GPC5: variants seen among roughly 807,000 people sequenced by gnomAD.
GPC5 encodes the protein glypican 5.
A neutral mutation model predicts 53.9 loss-of-function variants in GPC5; 47 were observed. The observed-to-expected ratio is 0.87, with a 90% CI of 0.69 to 1.11. The LOEUF (loss-of-function observed/expected upper bound fraction) is 1.11, where lower values mean the gene tolerates loss of function less well. GPC5 is among the 50% of genes most tolerant of loss of function. The pLI, the probability that GPC5 is intolerant of heterozygous loss-of-function variation, is 0.00. For missense variants in GPC5, 748 were observed against 713.1 expected (o/e 1.05, Z -0.56); for synonymous variants, 286 against 263.3 (o/e 1.09, Z -0.84).
chr13:91,846,250 AT>A (rs956571920), intron 5 of GPC5, among the ~76,000 whole-genome samples: 5 of 152,002 alleles, frequency 3.3e-5, no homozygotes, highest in Non-Finnish European at 7.4e-5. Context: ...AGTCATATTG[AT>A]TTTACAACTT....
chr13:92,692,989 A>C (rs1244409121), intron 7 of GPC5, among the ~76,000 whole-genome samples: 1 of 151,824 alleles, frequency 6.6e-6, no homozygotes, highest in East Asian at 2.0e-4. Context: ...TACTATTCTC[A>C]TGACAATGAG....
At position 91,436,034 on chromosome 13, in the gene GPC5, T is replaced by C. The variant is rs949496643; in HGVS notation, c.164-12727T>C. Among the ~76,000 whole-genome samples the C allele has an allele frequency of 7.0e-4, 107 of 152,214 alleles. 2 individuals carry two copies. Among genetic ancestry groups the C allele is most frequent in the Non-Finnish European group, 2.6e-4 (18 of 68,028 alleles). On this transcript the variant is annotated intron_variant, in intron 1 of 7. Transcript: ENST00000377067. The stretch of plus-strand genomic sequence containing the variant: ...TATTTCTGTGGGATTGGTGGTGATA[T>C]CCCCTTTATCATTTTTTATGTGTCT...
At chr13:92,260,580 A>G (rs1323752387) in intron 7 of GPC5, among the ~76,000 whole-genome samples, 1 of 152,046 alleles carries the variant, frequency 6.6e-6, no homozygotes, top group Non-Finnish European at 1.5e-5. Context: ...CCCGGAACTG[A>G]GGCTTCTGCT....
chr13:91,951,794 C>T (rs1452696861), intron 6 of GPC5, among the ~76,000 whole-genome samples: 1 of 151,950 alleles, frequency 6.6e-6, no homozygotes, highest in Non-Finnish European at 1.5e-5. Context: ...AAAGTAATTC[C>T]GTTTTGGTCT....
intron 5 of GPC5, among the ~76,000 whole-genome samples, chr13:91,778,535 T>C (rs1241050143): frequency 6.6e-6 from 1 of 152,208 alleles, no homozygotes; most frequent in African/African-American, 2.4e-5. Flanking sequence ...GCATAACTTA[T>C]ACAGTCGTTG....
At chr13:91,835,966 A>T (rs566662299) in intron 5 of GPC5, among the ~76,000 whole-genome samples, 1 of 152,196 alleles carries the variant, frequency 6.6e-6, no homozygotes, top group East Asian at 1.9e-4. Context: ...AGAACTTTAC[A>T]GTTCTTTAAG....
intron 5 of GPC5, among the ~76,000 whole-genome samples, chr13:91,779,817 A>G (rs961688131): frequency 6.6e-6 from 1 of 152,164 alleles, no homozygotes; most frequent in African/African-American, 2.4e-5. Flanking sequence ...AGACTCTGTC[A>G]TCTCCTATGA....
intron 6 of GPC5, among the ~76,000 whole-genome samples, chr13:92,078,168 A>C (rs547798129): frequency 6.6e-6 from 1 of 152,306 alleles, no homozygotes; most frequent in Admixed American, 6.5e-5. Context: ...GAAATATCTA[A>C]AGTGTTTTTG....
At chr13:92,570,029 G>A (rs72640278) in intron 7 of GPC5, among the ~76,000 whole-genome samples, 1,756 of 152,128 alleles carry the variant, frequency 0.012, 18 homozygotes, top group Non-Finnish European at 0.017. Context: ...GCTGACACTC[G>A]ATCCTCTATT....
In GPC5 at chr13:92,162,803, G is replaced by A. The variant is rs186043141; in HGVS notation, c.1561+17814G>A. On this transcript the variant is annotated intron_variant, in intron 7 of 7. Coordinates refer to ENST00000377067, the MANE Select transcript of GPC5 (RefSeq NM_004466.6). ...AGACAAATAAGTTGATGACATAAATGACAACTCAATACTTTTTTTCTGTGG... is the reference window on the plus strand; with the variant it reads ...AGACAAATAAGTTGATGACATAAATAACAACTCAATACTTTTTTTCTGTGG... 4.9e-3 allele frequency among the ~76,000 whole-genome samples: 740 copies of A among 152,160 alleles called. 10 individuals carry two copies. The highest frequency in any genetic ancestry group is 0.016 in the African/African-American group (669 of 41,526).
At chr13:92,388,543 C>T (rs556608858) in intron 7 of GPC5, among the ~76,000 whole-genome samples, 1 of 152,116 alleles carries the variant, frequency 6.6e-6, no homozygotes, top group Admixed American at 6.5e-5. Flanking sequence ...CAGGAATATA[C>T]CCGCAATTAA....
chr13:92,758,145 T>C (rs1425161390), intron 7 of GPC5, among the ~76,000 whole-genome samples: 44 of 148,750 alleles, frequency 3.0e-4, no homozygotes, highest in African/African-American at 9.9e-4. Flanking sequence ...TGGAATACTA[T>C]GCAGCCATAA....
chr13:92,282,809 C>T lies in GPC5; in HGVS notation c.1561+137820C>T, dbSNP rs143049844. On this transcript the variant is annotated intron_variant, in intron 7 of 7. Transcript: ENST00000377067. Reference sequence around the variant, plus strand: ...TAACATGCCAAATTGTAAAGACCATCGATGCTAGGAAAAAACTACATCAAC... The same window carrying T: ...TAACATGCCAAATTGTAAAGACCATTGATGCTAGGAAAAAACTACATCAAC... 9.1e-4 allele frequency among the ~76,000 whole-genome samples: 138 copies of T among 152,224 alleles called. No individual in the cohort carries two copies. The East Asian group carries it at 0.012, about 13-fold the overall frequency.
chr13:92,665,754 T>C (rs555950520), intron 7 of GPC5, among the ~76,000 whole-genome samples: 1 of 152,292 alleles, frequency 6.6e-6, no homozygotes, highest in South Asian at 2.1e-4. Context: ...ATAAACTATG[T>C]TGTAACACTT....
chr13:92,202,937 T>G (rs1200896534), intron 7 of GPC5, among the ~76,000 whole-genome samples: 1 of 152,014 alleles, frequency 6.6e-6, no homozygotes, highest in Non-Finnish European at 1.5e-5. Flanking sequence ...CCTTATTAAT[T>G]TACAAGAAAA....
At chr13:92,532,607 T>C (rs1303806444) in intron 7 of GPC5, among the ~76,000 whole-genome samples, 1 of 152,160 alleles carries the variant, frequency 6.6e-6, no homozygotes, top group East Asian at 1.9e-4. Flanking sequence ...CCCAAAAGAC[T>C]GAAGTCTAAT....
intron 6 of GPC5, among the ~76,000 whole-genome samples, chr13:92,128,667 T>A (rs1194553735): frequency 1.3e-5 from 2 of 152,184 alleles, no homozygotes; most frequent in Non-Finnish European, 2.9e-5. Flanking sequence ...ATGCTTTTAA[T>A]TTAAGAAGTA....
intron 3 of GPC5, among the ~76,000 whole-genome samples, chr13:91,695,805 T>G (rs1459482820): frequency 1.3e-5 from 2 of 152,218 alleles, no homozygotes; most frequent in Non-Finnish European, 2.9e-5. Context: ...GACCTTCTGA[T>G]ATATGTAAGT....
At chr13:92,384,423 A>T (rs2043775636) in intron 7 of GPC5, among the ~76,000 whole-genome samples, 1 of 152,136 alleles carries the variant, frequency 6.6e-6, no homozygotes, top group Non-Finnish European at 1.5e-5. Flanking sequence ...CTTTTAAAAA[A>T]TCAAATTATT....
Sources: allele counts gnomAD v4.1 joint callset (sites outside exome capture counted in the v4.1 genomes callset), GRCh38; gene constraint gnomAD v4.1.1; transcripts MANE v1.5; gene names NCBI Gene and HGNC (gene_info 2026-07-23, HGNC 2026-07-21).